Variants in C1QTNF5 observed in about 807,000 individuals in gnomAD.
C1QTNF5 encodes the protein complement C1q tumor necrosis factor-related protein 5.
Under a neutral mutation model 10.9 loss-of-function variants are expected in C1QTNF5, and 5 were observed. The observed-to-expected ratio is 0.46, with a 90% CI of 0.24 to 0.97. The LOEUF is 0.97. C1QTNF5 is among the 50% of genes least tolerant of loss of function. The pLI, the probability that C1QTNF5 is intolerant of heterozygous loss-of-function variation, is 0.19. For synonymous variants in C1QTNF5, 161 were observed against 156.5 expected, an observed-to-expected ratio of 1.03 and a Z score of -0.22; for missense variants, 281 against 339.4, an observed-to-expected ratio of 0.83 and a Z score of 1.35.
At chr11:119,344,489 A>G (rs149347991), upstream of C1QTNF5, 162 of 1,566,420 alleles carry the variant, frequency 1.0e-4, no homozygotes, top group African/African-American at 1.9e-3. Context: ...GGCCATGCCC[A>G]TGGGAAACAA....
upstream of C1QTNF5, among the ~76,000 whole-genome samples, chr11:119,343,387 T>C (rs1279199162): frequency 6.6e-6 from 1 of 152,210 alleles, no homozygotes; most frequent in South Asian, 2.1e-4. Flanking sequence ...CGTGGTGGCA[T>C]GTGCCTGTGA....
upstream of C1QTNF5, chr11:119,343,791 C>CA: frequency 6.2e-7 from 1 of 1,613,658 alleles, no homozygotes. Flanking sequence ...TGGAGTTATC[C>CA]ATGGCTCTTC....
chr11:119,343,915 T>G (rs1950529608), upstream of C1QTNF5: 3 of 1,613,658 alleles, frequency 1.9e-6, no homozygotes, highest in Non-Finnish European at 2.5e-6. Context: ...GTTGTGGAAC[T>G]GTAGTTCTAT....
chr11:119,345,991 G>C, the C1QTNF5 span: 7 of 1,612,914 alleles, frequency 4.3e-6, no homozygotes, highest in Admixed American at 5.0e-5. Flanking sequence ...CTGGGAGAGC[G>C]GCTCATGGAG....
the C1QTNF5 span, chr11:119,345,994 T>C: frequency 5.0e-6 from 8 of 1,612,816 alleles, no homozygotes; most frequent in Non-Finnish European, 6.8e-6. Flanking sequence ...GGAGAGCGGC[T>C]CATGGAGTTT....
At chr11:119,342,492 C>T (rs769632634), upstream of C1QTNF5, 1,206 of 1,472,372 alleles carry the variant, frequency 8.2e-4, 1 homozygote, top group Non-Finnish European at 1.1e-3. Flanking sequence ...CAGCTGGCCC[C>T]GCCCCCTCAG....
the C1QTNF5 span, chr11:119,346,533 C>T: frequency 6.2e-7 from 1 of 1,613,662 alleles, no homozygotes; most frequent in Non-Finnish European, 8.5e-7. Context: ...CTCTGCATGG[C>T]TTTCTGGAGT....
chr11:119,339,015 C>T lies in C1QTNF5; in HGVS notation c.*316G>A. The T allele has an allele frequency of 3.3e-6, 1 of 304,878 alleles. No homozygotes were observed. Among genetic ancestry groups the T allele is most frequent in the Non-Finnish European group, 6.1e-6 (1 of 163,662 alleles). 18.9% of individuals were successfully genotyped at this position (304,878 alleles called of 1,614,324 possible). On this transcript the variant is annotated 3_prime_UTR_variant, in exon 3 of 3. Coordinates refer to ENST00000528368, the MANE Select transcript of C1QTNF5 (RefSeq NM_001278431.2). The surrounding 1 kb of genome is among the most constrained non-coding windows in gnomAD (Gnocchi z 5.4). The stretch of plus-strand genomic sequence containing the variant: ...AGGAGCAGGAGGGGGTGGGGAGGAT[C>T]CAGAGAAGCAGAGGACCAGGAAGAG...
chr11:119,346,411 G>A, the C1QTNF5 span: 47 of 1,613,290 alleles, frequency 2.9e-5, no homozygotes, highest in Non-Finnish European at 4.0e-5. Context: ...GAGGGCAGCA[G>A]TGACCACTGG....
chr11:119,339,660 GTCCCTGC>G lies in C1QTNF5; in HGVS notation c.396_402del (p.Glu132AspfsTer36). On this transcript the variant is annotated frameshift_variant, in exon 3 of 3. Coordinates refer to ENST00000528368, the MANE Select transcript of C1QTNF5 (RefSeq NM_001278431.2). LOFTEE classifies it low-confidence loss of function (END_TRUNC). The surrounding 1 kb of genome is among the most constrained non-coding windows in gnomAD (Gnocchi z 5.4). ...AACTTGCCGGTGACGGCGTCGTAATGTCCCTGCTCGTTCACCAGCACGCGGTCGAAGG... is the reference window on the plus strand; with the variant it reads ...AACTTGCCGGTGACGGCGTCGTAATGTCGTTCACCAGCACGCGGTCGAAGG... 1 of 1,612,010 alleles carries G rather than the reference GTCCCTGC, an allele frequency of 6.2e-7. No individual in the cohort carries two copies. Among genetic ancestry groups the G allele is most frequent in the Non-Finnish European group, 8.5e-7 (1 of 1,179,972 alleles).
chr11:119,344,753 G>A (rs1950542252), upstream of C1QTNF5: 1 of 1,613,876 alleles, frequency 6.2e-7, no homozygotes, highest in African/African-American at 1.3e-5. Flanking sequence ...CATGGGCACA[G>A]CTCCCTGGAT....
At chr11:119,344,386 C>T (rs753835210), upstream of C1QTNF5, 5 of 1,613,644 alleles carry the variant, frequency 3.1e-6, no homozygotes, top group Non-Finnish European at 4.2e-6. Context: ...AGATTCCCCC[C>T]ACACCCTGTA....
chr11:119,339,480 C>T lies in C1QTNF5; in HGVS notation c.583G>A (p.Ala195Thr), dbSNP rs774651014. ...WPKPASLSGGAMVRLEPEDQV... is the reference protein window; with the variant it reads ...WPKPASLSGGTMVRLEPEDQV... ...TCCTCAGGCTCCAGCCTCACCATGG[C>T]CCCCCCCGAGAGCGAGGCTGGCTTG... Residue 195 changes from alanine (A) to threonine (T), a missense_variant, in exon 3 of 3, where the codon GCC (alanine) becomes ACC (threonine). By Grantham distance (58) the Ala-to-Thr change is moderately conservative. Transcript: ENST00000528368. This position sits in a 1 kb window ranked among gnomAD's most constrained non-coding sequence, Gnocchi z 5.4. The T allele has an allele frequency of 6.2e-7, 1 of 1,612,828 alleles. No individual in the cohort carries two copies. Among genetic ancestry groups the T allele is most frequent in the Non-Finnish European group, 8.5e-7 (1 of 1,179,670 alleles).
At chr11:119,345,705 C>T (rs571227509), upstream of C1QTNF5, 2 of 1,612,372 alleles carry the variant, frequency 1.2e-6, no homozygotes, top group South Asian at 2.2e-5. Flanking sequence ...GCCTCTTCCT[C>T]ACCCTCCCCT....
chr11:119,345,747 C>G, upstream of C1QTNF5: 1 of 1,613,372 alleles, frequency 6.2e-7, no homozygotes, highest in South Asian at 1.1e-5. Flanking sequence ...GGCCCTTCTC[C>G]CGGAAGATCT....
rs1349907005 is a variant in C1QTNF5 at position 119,339,924 on chromosome 11, C to T, written c.215-76G>A. The T allele has an allele frequency of 1.4e-6, 2 of 1,411,984 alleles. No homozygotes were observed. Among genetic ancestry groups the T allele is most frequent in the African/African-American group, 3.0e-5 (2 of 67,130 alleles). 87.5% of individuals were successfully genotyped at this position (1,411,984 alleles called of 1,614,324 possible). ...AGCGGGGCGGCGACTCTAAGGTCAC[C>T]GTACCCCTCCCCGCCCCTGCCTGAG... is the stretch of plus-strand genomic sequence containing the variant. On this transcript the variant is annotated intron_variant, in intron 2 of 2. Transcript: ENST00000528368. The surrounding 1 kb of genome is among the most constrained non-coding windows in gnomAD (Gnocchi z 5.4).
chr11:119,343,865 C>G, upstream of C1QTNF5: 1 of 1,613,970 alleles, frequency 6.2e-7, no homozygotes, highest in Non-Finnish European at 8.5e-7. Context: ...TACACCTCCA[C>G]GTAGTCAAAC....
upstream of C1QTNF5, chr11:119,345,053 G>A (rs761845685): frequency 7.0e-5 from 111 of 1,581,810 alleles, no homozygotes; most frequent in Non-Finnish European, 8.8e-5. Context: ...AGCAGGGTCA[G>A]CCAGAGAGGA....
intron 2 of C1QTNF5, 114 bp downstream of exon 2, chr11:119,340,070 G>T: frequency 7.5e-7 from 1 of 1,340,372 alleles, no homozygotes; most frequent in Non-Finnish European, 9.8e-7. Flanking sequence ...GGGCTGCAAA[G>T]CGCGGGGAGT....
Sources: gnomAD v4.1 joint callset for allele counts (sites outside exome capture counted in the v4.1 genomes callset) on GRCh38, gnomAD v4.1.1 for gene constraint, Gnocchi (gnomAD v3.1) non-coding constraint, MANE v1.5 for transcripts, NCBI Gene and HGNC (gene_info 2026-07-23, HGNC 2026-07-21) for gene names.